The following CIMIP5 variants were observed in gnomAD, a reference collection of about 807,000 sequenced individuals.
The protein encoded by CIMIP5 is uncharacterized protein C2orf50.
At chr2:11,141,969 A>G in the CIMIP5 span, among the ~76,000 whole-genome samples, 2 of 152,118 alleles carry the variant, frequency 1.3e-5, no homozygotes, top group African/African-American at 2.4e-5. Context: ...GGATCTCACT[A>G]CAAAAAGGAT....
chr2:11,143,868 A>T, the CIMIP5 span: 3 of 1,438,930 alleles, frequency 2.1e-6, no homozygotes, highest in Non-Finnish European at 2.8e-6. Context: ...TCCCATTCTA[A>T]GGTCCTCCTT....
the CIMIP5 span, among the ~76,000 whole-genome samples, chr2:11,149,472 G>A: frequency 6.6e-5 from 10 of 152,280 alleles, no homozygotes; most frequent in African/African-American, 1.9e-4. Context: ...TTGGGAGGCC[G>A]AGGTAAAAGT....
At chr2:11,145,331 A>G in the CIMIP5 span, 2 of 152,184 alleles carry the variant, frequency 1.3e-5, no homozygotes, top group Middle Eastern at 3.4e-3. Flanking sequence ...GGGTCTCACT[A>G]TGTTGACCAG....
chr2:11,152,381 A>C, the CIMIP5 span, among the ~76,000 whole-genome samples: 3 of 152,244 alleles, frequency 2.0e-5, no homozygotes, highest in African/African-American at 7.2e-5. Context: ...ATTCCTTCCC[A>C]AGGTTGGTTC....
chr2:11,133,261 T>G, the CIMIP5 span: 5 of 1,487,090 alleles, frequency 3.4e-6, no homozygotes, highest in Non-Finnish European at 3.5e-6. Flanking sequence ...GGAGGAGGTT[T>G]GAGCTGAGCT....
chr2:11,140,070 GA>G, the CIMIP5 span, among the ~76,000 whole-genome samples: 3 of 122,702 alleles, frequency 2.4e-5, no homozygotes, highest in Non-Finnish European at 4.9e-5. Flanking sequence ...CTAGGTGACA[GA>G]GCGAGACTCC....
At chr2:11,141,823 AT>A in the CIMIP5 span, among the ~76,000 whole-genome samples, 1 of 152,018 alleles carries the variant, frequency 6.6e-6, no homozygotes, top group African/African-American at 2.4e-5. Flanking sequence ...AAATAACATT[AT>A]TTTTTAAAAA....
At chr2:11,136,308 G>A in the CIMIP5 span, among the ~76,000 whole-genome samples, 1 of 152,168 alleles carries the variant, frequency 6.6e-6, no homozygotes. Flanking sequence ...CTTCTGCACA[G>A]CAAAGACAAC....
chr2:11,137,365 C>T, the CIMIP5 span, among the ~76,000 whole-genome samples: 5 of 151,544 alleles, frequency 3.3e-5, no homozygotes, highest in Non-Finnish European at 7.4e-5. Context: ...CAGAGTGAGA[C>T]TCCATCTCAA....
At chr2:11,140,852 A>T in the CIMIP5 span, among the ~76,000 whole-genome samples, 1 of 152,184 alleles carries the variant, frequency 6.6e-6, no homozygotes, top group African/African-American at 2.4e-5. Context: ...ATATGTAGTC[A>T]TATCTGTGTG....
the CIMIP5 span, chr2:11,133,239 CAG>C: frequency 6.4e-6 from 9 of 1,416,208 alleles, no homozygotes; most frequent in East Asian, 2.4e-4. Flanking sequence ...TTAGGAGGGA[CAG>C]AGTGTTCCAG....
the CIMIP5 span, chr2:11,133,187 TA>T: frequency 1.0e-6 from 1 of 971,700 alleles, no homozygotes; most frequent in Non-Finnish European, 1.4e-6. Context: ...GCTCGAGGCC[TA>T]AAGGGACAGT....
At chr2:11,133,528 G>T in the CIMIP5 span, 6 of 1,608,192 alleles carry the variant, frequency 3.7e-6, no homozygotes, top group Admixed American at 8.3e-5. Context: ...GCCTGCGATG[G>T]CGTGCAGCAG....
At chr2:11,146,286 G>T in the CIMIP5 span, among the ~76,000 whole-genome samples, 1 of 152,174 alleles carries the variant, frequency 6.6e-6, no homozygotes, top group Non-Finnish European at 1.5e-5. Flanking sequence ...CTTGCCCAAG[G>T]TCACACAGCT....
chr2:11,138,777 G>T, the CIMIP5 span, among the ~76,000 whole-genome samples: 6 of 152,236 alleles, frequency 3.9e-5, no homozygotes, highest in South Asian at 1.2e-3. Flanking sequence ...CATGTGACCT[G>T]CCTGCTGCCA....
chr2:11,153,011 C>G, the CIMIP5 span, among the ~76,000 whole-genome samples: 1 of 152,190 alleles, frequency 6.6e-6, no homozygotes, highest in Non-Finnish European at 1.5e-5. Flanking sequence ...ACCTTCTGAG[C>G]GGGATGGTTC....
the CIMIP5 span, among the ~76,000 whole-genome samples, chr2:11,139,977 C>G: frequency 6.6e-6 from 1 of 150,708 alleles, no homozygotes. Context: ...GTCCCAGCTA[C>G]TTGGGAGGCT....
At chr2:11,137,366 T>C in the CIMIP5 span, among the ~76,000 whole-genome samples, 1 of 151,052 alleles carries the variant, frequency 6.6e-6, no homozygotes, top group African/African-American at 2.4e-5. Context: ...AGAGTGAGAC[T>C]CCATCTCAAA....
At chr2:11,136,673 AT>A in the CIMIP5 span, among the ~76,000 whole-genome samples, 1 of 152,210 alleles carries the variant, frequency 6.6e-6, no homozygotes, top group Non-Finnish European at 1.5e-5. Flanking sequence ...ATGTTCTGGA[AT>A]CAGAAAGTGG....
Sources: gnomAD v4.1 joint callset for allele counts (sites outside exome capture counted in the v4.1 genomes callset) on GRCh38, gnomAD v4.1.1 for gene constraint, MANE v1.5 for transcripts, NCBI Gene and HGNC (gene_info 2026-07-23, HGNC 2026-07-21) for gene names.